Variants in CPVL observed in about 807,000 individuals in gnomAD.
CPVL encodes carboxypeptidase vitellogenic like.
Under a neutral mutation model 63.7 loss-of-function variants are expected in CPVL, and 51 were observed. That is an observed-to-expected ratio of 0.80 (90% CI 0.64 to 1.01). The LOEUF (loss-of-function observed/expected upper bound fraction) is 1.01. Ranked by LOEUF, CPVL falls within the 50% of genes least tolerant of loss-of-function variation. The probability of loss-of-function intolerance (pLI) is 0.00; values close to 1 mark genes in which losing one functional copy is unlikely to be tolerated. For synonymous variants in CPVL, 195 were observed against 206.0 expected (o/e 0.95, Z 0.46); for missense variants, 530 against 573.1 (o/e 0.92, Z 0.77).
intron 7 of CPVL, among the ~76,000 whole-genome samples, chr7:29,083,513 G>A (rs1784935414): frequency 6.6e-6 from 1 of 152,194 alleles, no homozygotes; most frequent in African/African-American, 2.4e-5. Context: ...CTGGAGGGCT[G>A]GAATTACTGG....
intron 1 of CPVL, chr7:29,126,604 G>A (rs908860082): frequency 2.0e-5 from 3 of 152,224 alleles, no homozygotes; most frequent in South Asian, 2.1e-4. Flanking sequence ...CCTGCAGGAT[G>A]AGGACAAACA....
At chr7:29,146,942 C>T, upstream of CPVL, 1 of 1,551,158 alleles carries the variant, frequency 6.4e-7, no homozygotes, top group Non-Finnish European at 8.7e-7. Flanking sequence ...TGATGGTCTA[C>T]ATTCCAGCTG....
At chr7:29,174,275 G>A (rs957910718) in intron 5 of CPVL, among the ~76,000 whole-genome samples, 1 of 152,188 alleles carries the variant, frequency 6.6e-6, no homozygotes, top group Non-Finnish European at 1.5e-5. Context: ...GCCTCTGGAG[G>A]GGGGCCAGCA....
rs1287836415 is a variant in CPVL at position 28,995,567 on chromosome 7, A to ATTCT, written c.*201_*204dup. On this transcript the variant is annotated 3_prime_UTR_variant, in exon 13 of 13. Coordinates refer to ENST00000265394, the MANE Select transcript of CPVL (RefSeq NM_031311.5). ...TTCATCCTTTAAGTTAAATAATGTAATTCTTACTCATGTACTCATGTTAAT... is the reference window on the plus strand; with the variant it reads ...TTCATCCTTTAAGTTAAATAATGTAATTCTTTCTTACTCATGTACTCATGTTAAT... 3.9e-6 allele frequency: 2 copies of ATTCT among 513,914 alleles called. No individual in the cohort carries two copies. Among genetic ancestry groups the ATTCT allele is most frequent in the African/African-American group, 4.0e-5 (2 of 49,714 alleles). 31.8% of individuals were successfully genotyped at this position (513,914 alleles called of 1,614,324 possible). A position where few individuals can be genotyped will look rare whatever the true frequency, so the allele number is the denominator to read the frequency against.
chr7:29,129,612 G>A (rs2128655570), intron 1 of CPVL, among the ~76,000 whole-genome samples: 1 of 152,072 alleles, frequency 6.6e-6, no homozygotes, highest in South Asian at 2.1e-4. Flanking sequence ...GGGGCTACAG[G>A]TGTGTGCTAC....
chr7:29,078,051 T>C (rs995171883), intron 7 of CPVL, among the ~76,000 whole-genome samples: 5 of 152,108 alleles, frequency 3.3e-5, no homozygotes, highest in African/African-American at 1.2e-4. Flanking sequence ...CGCTATAACT[T>C]CCTAGACATT....
chr7:29,120,886 T>G lies in CPVL; in HGVS notation c.169+7A>C. The G allele has an allele frequency of 1.2e-6, 2 of 1,609,726 alleles. No homozygotes were observed. The highest frequency in any genetic ancestry group is 1.7e-6 in the Non-Finnish European group (2 of 1,177,526). On this transcript the variant is annotated splice_region_variant and intron_variant, in intron 2 of 12. Coordinates refer to ENST00000265394, the MANE Select transcript of CPVL (RefSeq NM_031311.5). ...AGTGGTTTTCTGATTTAATTAAACT[T>G]ACTTACCTTTTTGGATCTTCCCAGC...
chr7:29,069,452 A>G (rs977712691), intron 9 of CPVL, among the ~76,000 whole-genome samples: 1 of 151,914 alleles, frequency 6.6e-6, no homozygotes, highest in Non-Finnish European at 1.5e-5. Flanking sequence ...AAAAAAAAAA[A>G]AAAAAAAAGA....
chr7:29,077,505 A>G (rs1375132930), intron 7 of CPVL, among the ~76,000 whole-genome samples: 2 of 152,104 alleles, frequency 1.3e-5, no homozygotes, highest in Non-Finnish European at 2.9e-5. Context: ...GGAGTTGTCA[A>G]CTTCAGCAAT....
At chr7:29,093,472 TCCC>T (rs1463579505) in intron 5 of CPVL, among the ~76,000 whole-genome samples, 2 of 150,928 alleles carry the variant, frequency 1.3e-5, no homozygotes, top group East Asian at 2.0e-4. Context: ...CTCCTCCTCC[TCCC>T]CCTTCTTGTC....
chr7:29,018,662 A>C (rs1786656236), intron 12 of CPVL, among the ~76,000 whole-genome samples: 1 of 152,200 alleles, frequency 6.6e-6, no homozygotes, highest in Non-Finnish European at 1.5e-5. Context: ...TACAGGCGTC[A>C]GCAACCCTGC....
chr7:29,110,609 A>T (rs1000485757), intron 3 of CPVL, among the ~76,000 whole-genome samples: 2 of 152,248 alleles, frequency 1.3e-5, no homozygotes, highest in African/African-American at 4.8e-5. Flanking sequence ...GAGAGAAAAC[A>T]TATCGAGACT....
chr7:29,060,868 T>C (rs1195962682), intron 11 of CPVL, among the ~76,000 whole-genome samples: 3 of 152,190 alleles, frequency 2.0e-5, no homozygotes, highest in African/African-American at 7.2e-5. Context: ...ATGACTTTAA[T>C]GGTACTAACG....
intron 11 of CPVL, among the ~76,000 whole-genome samples, chr7:29,033,793 T>C (rs776092514): frequency 2.0e-5 from 3 of 152,208 alleles, no homozygotes; most frequent in Non-Finnish European, 4.4e-5. Flanking sequence ...TGGTCAGCTG[T>C]AGGCCTCTGG....
chr7:29,136,277 A>G (rs994046930), intron 1 of CPVL, among the ~76,000 whole-genome samples: 1 of 152,258 alleles, frequency 6.6e-6, no homozygotes, highest in Non-Finnish European at 1.5e-5. Flanking sequence ...TAGAGAAAAT[A>G]GAACAATCCA....
chr7:29,113,255 C>T (rs917721369), intron 2 of CPVL, among the ~76,000 whole-genome samples: 4 of 152,022 alleles, frequency 2.6e-5, no homozygotes, highest in Admixed American at 6.5e-5. Flanking sequence ...GGCCTCGCCC[C>T]GAGAAGGCCT....
intron 5 of CPVL, among the ~76,000 whole-genome samples, chr7:29,174,221 G>A (rs1344495654): frequency 6.6e-6 from 1 of 152,106 alleles, no homozygotes; most frequent in Admixed American, 6.5e-5. Flanking sequence ...CCTTAATTAA[G>A]CTGTCAGGAA....
intron 12 of CPVL, among the ~76,000 whole-genome samples, chr7:29,001,936 A>G (rs565278377): frequency 6.6e-6 from 1 of 152,336 alleles, no homozygotes; most frequent in East Asian, 1.9e-4. Context: ...ACAGAAAACA[A>G]TAGAAGCTGA....
Position 29,164,314 on chromosome 7 carries a change from A to T in CPVL, c.-11+16976T>A, listed in dbSNP as rs372859662. 2.4e-4 allele frequency among the ~76,000 whole-genome samples: 37 copies of T among 152,064 alleles called. No homozygotes were observed. The East Asian group carries it at 6.8e-3, about 28-fold the overall frequency. Reference sequence around the variant, plus strand: ...TTCTTTTTTGTAAAATGTCTATTTGATTTTTGCACAGTATTTTAATTAGGT... The same window carrying T: ...TTCTTTTTTGTAAAATGTCTATTTGTTTTTTGCACAGTATTTTAATTAGGT... On this transcript the variant is annotated intron_variant, in intron 5 of 16. Transcript: ENST00000409850.
Sources: allele counts gnomAD v4.1 joint callset (sites outside exome capture counted in the v4.1 genomes callset), GRCh38; gene constraint gnomAD v4.1.1; transcripts MANE v1.5; gene names NCBI Gene and HGNC (gene_info 2026-07-23, HGNC 2026-07-21).